The following GAPVD1 variants were observed in gnomAD, a reference collection of about 807,000 sequenced individuals.
GAPVD1 encodes the protein GTPase-activating protein and VPS9 domain-containing protein 1.
In GAPVD1, 35 loss-of-function variants were observed where a neutral mutation model predicts 155.5. The observed-to-expected ratio is 0.23, with a 90% confidence interval of 0.17 to 0.30. The LOEUF (loss-of-function observed/expected upper bound fraction) is 0.30. Ranked by LOEUF, GAPVD1 falls within the 10% of genes least tolerant of loss-of-function variation. GAPVD1 has a pLI of 1.00. For missense variants in GAPVD1, 1,429 were observed against 1,775.7 expected (o/e 0.80, Z 3.51); for synonymous variants, 636 against 619.7 (o/e 1.03, Z -0.39).
intron 24 of GAPVD1, among the ~76,000 whole-genome samples, 189 bp downstream of exon 24, chr9:125,355,030 T>C (rs1435020981): frequency 6.6e-6 from 1 of 152,268 alleles, no homozygotes; most frequent in African/African-American, 2.4e-5. Context: ...CTGGATTGAA[T>C]ATCTGTAGCT....
At chr9:125,346,213 T>G (rs1295779562) in intron 19 of GAPVD1, 4 of 154,498 alleles carry the variant, frequency 2.6e-5, no homozygotes, top group African/African-American at 9.6e-5. Context: ...TCCCCAAGAA[T>G]GTCTAGATTC....
intron 1 of GAPVD1, among the ~76,000 whole-genome samples, chr9:125,268,054 C>T (rs1162552995): frequency 6.6e-6 from 1 of 151,988 alleles, no homozygotes; most frequent in East Asian, 1.9e-4. Flanking sequence ...ATCCCAGCTA[C>T]TCAGGAGGCT....
At chr9:125,341,398 G>C (rs1214550908) in intron 18 of GAPVD1, 134 bp downstream of exon 18, 2 of 589,904 alleles carry the variant, frequency 3.4e-6, no homozygotes, top group Non-Finnish European at 6.0e-6. Context: ...TGAGGGTGTA[G>C]AAAGTGGTTC....
At chr9:125,267,245 A>C (rs1412324677) in intron 1 of GAPVD1, among the ~76,000 whole-genome samples, 2 of 152,084 alleles carry the variant, frequency 1.3e-5, no homozygotes, top group African/African-American at 4.8e-5. Flanking sequence ...AGACGGTCAG[A>C]TTACTTGAGC....
At position 125,263,624 on chromosome 9, in the gene GAPVD1, A is replaced by G; in HGVS notation, c.-199+1665A>G. On this transcript the variant is annotated intron_variant, in intron 1 of 27. Coordinates refer to ENST00000297933, the MANE Select transcript of GAPVD1 (RefSeq NM_001282680.3). ...CACGTCCACGACCAAATCCGTCTCA[A>G]CTGGAATTTGGCTGCTGACCCAGCC... The G allele has an allele frequency of 1.1e-5, 15 of 1,326,902 alleles. 1 individual carries two copies. The South Asian group carries it at 1.3e-4, about 11-fold the overall frequency. The allele number at this position is 1,326,902 out of a possible 1,614,324, so 82.2% of individuals were successfully genotyped here.
intron 15 of GAPVD1, among the ~76,000 whole-genome samples, chr9:125,335,922 GC>G (rs1244348577): frequency 6.6e-6 from 1 of 152,004 alleles, no homozygotes; most frequent in South Asian, 2.1e-4. Flanking sequence ...AGAGGCAGAG[GC>G]AGGAGGAGTG....
At chr9:125,362,490 G>T (rs541422853) in intron 27 of GAPVD1, 116 bp from the exon 28 acceptor site, 12 of 836,946 alleles carry the variant, frequency 1.4e-5, no homozygotes, top group Non-Finnish European at 2.2e-5. Context: ...CTTTGGGGTT[G>T]TTTTCAAAAG....
chr9:125,269,847 A>G (rs1261758534), intron 2 of GAPVD1, among the ~76,000 whole-genome samples: 2 of 148,478 alleles, frequency 1.3e-5, no homozygotes, highest in African/African-American at 5.0e-5. Flanking sequence ...CCTCCCTGGT[A>G]GCTGGGATTA....
chr9:125,348,918 C>T (rs535643650), intron 20 of GAPVD1, among the ~76,000 whole-genome samples: 13 of 152,304 alleles, frequency 8.5e-5, no homozygotes, highest in Admixed American at 7.2e-4. Context: ...GCAGGAAGAC[C>T]TCCAGTAGAG....
At chr9:125,336,692 G>C (rs1038623495) in intron 15 of GAPVD1, 3 of 232,800 alleles carry the variant, frequency 1.3e-5, no homozygotes, top group African/African-American at 7.0e-5. Flanking sequence ...GCTCAGGGAA[G>C]CTGTGACATT....
Position 125,313,289 on chromosome 9 carries a change from T to TTTTTTC in GAPVD1, c.1602+695_1602+700dup, listed in dbSNP as rs890942691. On this transcript the variant is annotated intron_variant, in intron 9 of 27. Coordinates refer to ENST00000297933, the MANE Select transcript of GAPVD1 (RefSeq NM_001282680.3). ...ATTCAGATCCTAGCAATGAATTTTT[T>TTTTTTC]TTTTTCTTTTTCTTTTTCTTTTTTT... is the stretch of plus-strand genomic sequence containing the variant. 1.6e-3 allele frequency among the ~76,000 whole-genome samples: 249 copies of TTTTTTC among 151,826 alleles called. 1 individual carries two copies. The highest frequency in any genetic ancestry group is 5.8e-3 in the African/African-American group (242 of 41,370).
rs371045665 is a variant in GAPVD1, at chr9:125,277,342, A to G, written c.-150+8358A>G. 4.6e-5 allele frequency among the ~76,000 whole-genome samples: 7 copies of G among 152,212 alleles called. No individual in the cohort carries two copies. In the East Asian group the frequency reaches 1.2e-3, roughly 25 times the overall value. On this transcript the variant is annotated intron_variant, in intron 2 of 27. Transcript: ENST00000297933. ...AAGTGCTGTGGGAGAGATGAACCCA[A>G]ATGAGGAAATATCTGAGTCAAGGGA...
At chr9:125,301,031 T>A (rs1840770563) in intron 4 of GAPVD1, among the ~76,000 whole-genome samples, 1 of 152,198 alleles carries the variant, frequency 6.6e-6, no homozygotes, top group African/African-American at 2.4e-5. Flanking sequence ...TTTGTAAACT[T>A]TCTTATGTCC....
In GAPVD1 at chr9:125,302,174, A is replaced by C. The variant is rs745509501; in HGVS notation, c.377A>C (p.Gln126Pro). The C allele has an allele frequency of 6.2e-7, 1 of 1,613,894 alleles. No homozygotes were observed. The highest frequency in any genetic ancestry group is 2.2e-5 in the East Asian group (1 of 44,878). ...GAGAAACTTAATCAGGAGAACACACAAAGTGTTATTTACACAGTTTTTACC... is the reference window on the plus strand; with the variant it reads ...GAGAAACTTAATCAGGAGAACACACCAAGTGTTATTTACACAGTTTTTACC... Reference protein sequence around the residue: ...AGEKLNQENTQSVIYTVFTSL... With the variant: ...AGEKLNQENTPSVIYTVFTSL... The change falls in exon 5 of 28, where the codon CAA (glutamine) becomes CCA (proline). Residue 126 changes from glutamine (Q) to proline (P), a missense_variant. Around this residue, in one of 4 missense-constraint regions of GAPVD1, gnomAD observed 628 missense variants for 733.4 expected, o/e 0.86. Coordinates refer to ENST00000297933, the MANE Select transcript of GAPVD1 (RefSeq NM_001282680.3).
intron 2 of GAPVD1, among the ~76,000 whole-genome samples, chr9:125,280,998 A>T (rs1357368992): frequency 1.3e-5 from 2 of 152,162 alleles, no homozygotes; most frequent in African/African-American, 4.8e-5. Context: ...ATTGATCAGA[A>T]ATTAGTGCAA....
chr9:125,304,989 C>A, intron 5 of GAPVD1, 74 bp from the exon 6 acceptor site: 3 of 942,364 alleles, frequency 3.2e-6, no homozygotes, highest in South Asian at 1.3e-5. Context: ...AATAGACGTG[C>A]TTGCTTTCAT....
intron 5 of GAPVD1, among the ~76,000 whole-genome samples, chr9:125,303,448 T>C (rs1841254112): frequency 1.4e-5 from 2 of 147,372 alleles, no homozygotes; most frequent in African/African-American, 5.0e-5. Context: ...CTCAGCAACA[T>C]AGTGAGACCC....
rs1456571422 is a variant in GAPVD1, at chr9:125,323,906, T to C, written c.1841T>C (p.Leu614Pro). The change falls in exon 11 of 28, where the codon CTG becomes CCG. Residue 614 changes from leucine to proline, a missense_variant. Leu to Pro is a moderately conservative substitution (Grantham distance 98). Transcript: ENST00000297933. ...SGSNGVEALQ[L>P]LEHEQATTQD... ...AGTAATGGAGTTGAAGCTCTACAGC[T>C]GTTAGAACATGAGCAAGGTAAAGTG... is the stretch of plus-strand genomic sequence containing the variant. The C allele has an allele frequency of 6.2e-7, 1 of 1,613,546 alleles. No homozygotes were observed. The highest frequency in any genetic ancestry group is 8.5e-7 in the Non-Finnish European group (1 of 1,179,744).
intron 11 of GAPVD1, among the ~76,000 whole-genome samples, chr9:125,325,432 G>A (rs1021081815): frequency 3.5e-5 from 5 of 143,428 alleles, no homozygotes; most frequent in African/African-American, 5.2e-5. Context: ...TGAGGCAGGA[G>A]AATGGCCTGA....
Sources: gnomAD v4.1 joint callset for allele counts (sites outside exome capture counted in the v4.1 genomes callset) on GRCh38, gnomAD v4.1.1 for gene constraint, gnomAD v4.1.1 regional missense constraint, MANE v1.5 for transcripts, NCBI Gene and HGNC (gene_info 2026-07-23, HGNC 2026-07-21) for gene names.